LDB2: variants seen among roughly 807,000 people sequenced by gnomAD.
LDB2 encodes LIM domain-binding protein 2.
In LDB2, 12 loss-of-function variants were observed where a neutral mutation model predicts 44.3. The observed-to-expected ratio is 0.27, with a 90% CI of 0.17 to 0.44. The LOEUF (loss-of-function observed/expected upper bound fraction) is 0.44, where lower values mean the gene tolerates loss of function less well. LDB2 is among the 20% of genes least tolerant of loss of function. LDB2 has a pLI of 1.00. For synonymous variants in LDB2, 164 were observed against 174.8 expected, an observed-to-expected ratio of 0.94 and a Z score of 0.49; for missense variants, 344 against 473.5, an observed-to-expected ratio of 0.73 and a Z score of 2.54.
chr4:16,793,994 A>G (rs1561252062), intron 1 of LDB2, among the ~76,000 whole-genome samples: 1 of 152,156 alleles, frequency 6.6e-6, no homozygotes, highest in African/African-American at 2.4e-5. Context: ...TACCAGCTAA[A>G]GGTCATTAAG....
rs207692 is a variant in LDB2, at chr4:16,810,709, T to C, written c.133-51449A>G. Among the ~76,000 whole-genome samples the C allele has an allele frequency of 2.9e-3, 42 of 14,660 alleles. 6 individuals carry two copies. The highest frequency in any genetic ancestry group is 4.5e-3 in the East Asian group (5 of 1,114). The allele number at this position is 14,660 out of a possible 152,430, so 9.6% of individuals were successfully genotyped here. A position where few individuals can be genotyped will look rare whatever the true frequency, so the allele number is the denominator to read the frequency against. ...ATACCGCCCTTAGAAAGACGAACAGTTATCAAATCAGAAAAAGGTTTTCAG... is the reference window on the plus strand; with the variant it reads ...ATACCGCCCTTAGAAAGACGAACAGCTATCAAATCAGAAAAAGGTTTTCAG... On this transcript the variant is annotated intron_variant, in intron 1 of 7. Transcript: ENST00000304523.
At chr4:16,593,504 GA>G (rs140555452) in intron 3 of LDB2, among the ~76,000 whole-genome samples, 10,414 of 147,466 alleles carry the variant, frequency 0.071, 421 homozygotes, top group African/African-American at 0.084. Flanking sequence ...AGGAAAAAAA[GA>G]AAAAAAAAAT....
intron 1 of LDB2, among the ~76,000 whole-genome samples, chr4:16,807,534 C>A (rs932421515): frequency 6.6e-6 from 1 of 152,140 alleles, no homozygotes; most frequent in African/African-American, 2.4e-5. Flanking sequence ...TCCAGCCTTG[C>A]CTGGCATAAA....
chr4:16,833,598 A>C (rs150918253), intron 1 of LDB2, among the ~76,000 whole-genome samples: 3 of 145,878 alleles, frequency 2.1e-5, no homozygotes, highest in African/African-American at 7.6e-5. Context: ...TCTGGAGTGC[A>C]GTGGCGCGAT....
intron 2 of LDB2, among the ~76,000 whole-genome samples, chr4:16,631,387 G>A (rs796280083): frequency 2.4e-4 from 36 of 152,272 alleles, no homozygotes; most frequent in African/African-American, 8.7e-4. Flanking sequence ...TGAAACCAGT[G>A]AGAACAAAGA....
At chr4:16,842,845 C>T (rs1260486936) in intron 1 of LDB2, among the ~76,000 whole-genome samples, 3 of 152,182 alleles carry the variant, frequency 2.0e-5, no homozygotes, top group Non-Finnish European at 4.4e-5. Context: ...CTACAACCCT[C>T]ATTGCCCCAT....
intron 2 of LDB2, among the ~76,000 whole-genome samples, chr4:16,637,508 T>C (rs1479773928): frequency 6.6e-6 from 1 of 152,062 alleles, no homozygotes; most frequent in Non-Finnish European, 1.5e-5. Context: ...AGTGCAGGGC[T>C]GGCTACGTGG....
intron 1 of LDB2, among the ~76,000 whole-genome samples, chr4:16,873,018 C>T (rs1717173909): frequency 6.6e-6 from 1 of 152,072 alleles, no homozygotes; most frequent in Admixed American, 6.5e-5. Context: ...AAATGCTCAC[C>T]ATCTAATGGG....
chr4:16,758,641 C>T (rs956461970), intron 2 of LDB2, among the ~76,000 whole-genome samples: 3 of 152,146 alleles, frequency 2.0e-5, no homozygotes, highest in African/African-American at 7.2e-5. Context: ...ATAATTCTGT[C>T]AACACTAATC....
intron 3 of LDB2, among the ~76,000 whole-genome samples, chr4:16,592,465 C>CATACAT (rs1260473942): frequency 1.7e-4 from 20 of 116,592 alleles, no homozygotes; most frequent in African/African-American, 5.3e-4. Context: ...ATTATACATA[C>CATACAT]ATATATATAT....
At chr4:16,534,741 T>TTC (rs1293066452) in intron 5 of LDB2, among the ~76,000 whole-genome samples, 1 of 152,196 alleles carries the variant, frequency 6.6e-6, no homozygotes, top group Non-Finnish European at 1.5e-5. Flanking sequence ...AAGAAGAGGA[T>TTC]ATCCGACTCA....
intron 3 of LDB2, among the ~76,000 whole-genome samples, chr4:16,593,642 T>C (rs147565241): frequency 1.1e-4 from 16 of 152,144 alleles, no homozygotes; most frequent in Admixed American, 4.6e-4. Context: ...ATTTCAAGAG[T>C]CGGCAAATAT....
chr4:16,740,390 A>G (rs1194038937), intron 2 of LDB2, among the ~76,000 whole-genome samples: 1 of 152,222 alleles, frequency 6.6e-6, no homozygotes, highest in East Asian at 1.9e-4. Context: ...GGTGTCTATC[A>G]CGATGCATCC....
intron 1 of LDB2, among the ~76,000 whole-genome samples, chr4:16,831,404 A>G (rs1338562190): frequency 6.6e-6 from 1 of 152,052 alleles, no homozygotes; most frequent in African/African-American, 2.4e-5. Flanking sequence ...TTTTGAAGAG[A>G]AGAGAGAGAC....
chr4:16,870,156 C>T (rs997096505), intron 1 of LDB2, among the ~76,000 whole-genome samples: 4 of 152,008 alleles, frequency 2.6e-5, no homozygotes, highest in Admixed American at 2.0e-4. Context: ...CAGAAGATGC[C>T]GTGGATTCAG....
Position 16,805,142 on chromosome 4 carries a change from G to A in LDB2, c.133-45882C>T, listed in dbSNP as rs547230393. Among the ~76,000 whole-genome samples, 15 of 152,156 alleles carry A rather than the reference G, an allele frequency of 9.9e-5. No individual in the cohort carries two copies. The South Asian group carries it at 3.1e-3, about 32-fold the overall frequency. On this transcript the variant is annotated intron_variant, in intron 1 of 7. Coordinates refer to ENST00000304523, the MANE Select transcript of LDB2 (RefSeq NM_001290.5). ...GACCTCTGGCATCTCTTCTTCTAAA[G>A]ACACTAATTCTATCATGAAGGCCTC...
intron 1 of LDB2, among the ~76,000 whole-genome samples, chr4:16,831,015 C>A (rs763301289): frequency 6.6e-6 from 1 of 152,224 alleles, no homozygotes; most frequent in African/African-American, 2.4e-5. Context: ...TCAGAAAGAG[C>A]TGACTGTGTC....
At chr4:16,562,357 TCAAA>T (rs1326710081) in intron 5 of LDB2, among the ~76,000 whole-genome samples, 2 of 152,058 alleles carry the variant, frequency 1.3e-5, no homozygotes, top group East Asian at 1.9e-4. Context: ...TACAATGTAC[TCAAA>T]CAAATTTACA....
intron 1 of LDB2, among the ~76,000 whole-genome samples, chr4:16,780,023 C>A (rs1387108618): frequency 6.6e-6 from 1 of 152,082 alleles, no homozygotes; most frequent in Non-Finnish European, 1.5e-5. Flanking sequence ...ACTCATTTAA[C>A]AACTTTCATC....
Sources: allele counts gnomAD v4.1 joint callset (sites outside exome capture counted in the v4.1 genomes callset), GRCh38; gene constraint gnomAD v4.1.1; transcripts MANE v1.5; gene names NCBI Gene and HGNC (gene_info 2026-07-23, HGNC 2026-07-21).